Variants in VPS26C observed in about 807,000 individuals in gnomAD.
The protein encoded by VPS26C is vacuolar protein sorting-associated protein 26C.
VPS26C carries 19 observed loss-of-function variants against 30.6 expected under a neutral mutation model. The ratio of observed to expected loss-of-function variants is 0.62; its 90% CI spans 0.43 to 0.91. The LOEUF (loss-of-function observed/expected upper bound fraction) is 0.91. VPS26C is among the 40% of genes least tolerant of loss of function. VPS26C has a pLI of 0.00. For synonymous variants in VPS26C, 132 were observed against 151.5 expected (o/e 0.87, Z 0.95); for missense variants, 318 against 385.1 (o/e 0.83, Z 1.46).
At chr21:37,235,010 ATT>A (rs761855279) in intron 3 of VPS26C, among the ~76,000 whole-genome samples, 3 of 138,816 alleles carry the variant, frequency 2.2e-5, no homozygotes, top group African/African-American at 2.7e-5. Context: ...TGGCTGGCTA[ATT>A]TTTTTTTTTT....
At chr21:37,235,656 G>A (rs1284106457) in intron 3 of VPS26C, among the ~76,000 whole-genome samples, 5 of 151,880 alleles carry the variant, frequency 3.3e-5, no homozygotes, top group African/African-American at 7.3e-5. Context: ...AGAAGTAGAT[G>A]CACAAAGGGC....
intron 1 of VPS26C, among the ~76,000 whole-genome samples, chr21:37,256,097 A>G (rs140821490): frequency 1.4e-4 from 21 of 152,214 alleles, no homozygotes; most frequent in African/African-American, 3.9e-4. Flanking sequence ...CGGCCTCCCA[A>G]AGTGCTGGGA....
rs1003853608 is a variant in VPS26C, at chr21:37,225,252, A to G, written c.*292T>C. The G allele has an allele frequency of 2.3e-6, 1 of 426,038 alleles. No individual in the cohort carries two copies. The highest frequency in any genetic ancestry group is 2.0e-5 in the African/African-American group (1 of 50,914). The allele number at this position is 426,038 out of a possible 1,614,324, so 26.4% of individuals were successfully genotyped here. ...CACAATTGTTTTACTGTACCTAAAA[A>G]GGAACAGATAAGGCAAGAGCCACAG... On this transcript the variant is annotated 3_prime_UTR_variant, in exon 8 of 8. Transcript: ENST00000309117.
At chr21:37,266,316 C>G (rs2086361140) in intron 1 of VPS26C, among the ~76,000 whole-genome samples, 1 of 152,164 alleles carries the variant, frequency 6.6e-6, no homozygotes, top group Admixed American at 6.5e-5. Context: ...AAAGTTTTAG[C>G]ATCCATCCAA....
chr21:37,223,871 AAAGAAG>A lies in VPS26C; in HGVS notation c.*1667_*1672del, dbSNP rs1366195511. 1 of 152,244 alleles carries A rather than the reference AAAGAAG, an allele frequency of 6.6e-6. No homozygotes were observed. The highest frequency in any genetic ancestry group is 1.5e-5 in the Non-Finnish European group (1 of 68,054). The allele number at this position is 152,244 out of a possible 1,614,324, so 9.4% of individuals were successfully genotyped here. On this transcript the variant is annotated 3_prime_UTR_variant, in exon 8 of 8. Transcript: ENST00000309117. ...AAGCCCATCCAGAATGAAAAGTACA[AAAGAAG>A]GCTAGTGTGTGTGCAAAGCAGCATG...
chr21:37,229,216 G>T, intron 5 of VPS26C: 1 of 148,008 alleles, frequency 6.8e-6, no homozygotes, highest in South Asian at 2.3e-4. Flanking sequence ...CCACTCTTTT[G>T]GCTTCCCTGG....
upstream of VPS26C, chr21:37,267,461 T>TC: frequency 2.2e-6 from 1 of 460,682 alleles, no homozygotes. Context: ...GAGGGGCGAA[T>TC]GCCCACGCCT....
chr21:37,238,504 T>G lies in VPS26C; in HGVS notation c.307A>C (p.Lys103Gln), dbSNP rs2086048549. 2 of 1,614,072 alleles carry G rather than the reference T, an allele frequency of 1.2e-6. No individual in the cohort carries two copies. Among genetic ancestry groups the G allele is most frequent in the Admixed American group, 3.3e-5 (2 of 60,004 alleles). The change falls in exon 3 of 8, where the codon AAA (lysine) becomes CAA (glutamine). Residue 103 changes from lysine to glutamine, a missense_variant. Physicochemically the swap from Lys to Gln is moderately conservative, Grantham distance 53. Coordinates refer to ENST00000309117, the MANE Select transcript of VPS26C (RefSeq NM_006052.2). ...FEFPLHLKGN[K>Q]VLYETYHGVF... ...CCATGATACGTCTCATACAGAACTTTGTTACCCTTCAAGTGCAGAGGAAAT... is the reference window on the plus strand; with the variant it reads ...CCATGATACGTCTCATACAGAACTTGGTTACCCTTCAAGTGCAGAGGAAAT...
chr21:37,248,962 C>A (rs1201819572), intron 1 of VPS26C, among the ~76,000 whole-genome samples: 1 of 152,060 alleles, frequency 6.6e-6, no homozygotes, highest in Non-Finnish European at 1.5e-5. Context: ...ACTGGTAATA[C>A]AACTCATATT....
chr21:37,227,883 C>T, intron 6 of VPS26C, 77 bp from the exon 7 acceptor site: 1 of 1,563,366 alleles, frequency 6.4e-7, no homozygotes, highest in Non-Finnish European at 8.7e-7. Flanking sequence ...GCACCACCCA[C>T]CAGTCTGCTC....
intron 5 of VPS26C, 38 bp from the exon 6 acceptor site, chr21:37,228,411 C>A (rs377389743): frequency 1.1e-5 from 17 of 1,608,482 alleles, no homozygotes; most frequent in Non-Finnish European, 1.3e-5. Context: ...AGAATGCAGG[C>A]AAGGGGGGAA....
chr21:37,228,435 T>C, intron 5 of VPS26C, 62 bp from the exon 6 acceptor site: 5 of 1,573,922 alleles, frequency 3.2e-6, no homozygotes, highest in Non-Finnish European at 4.3e-6. Context: ...GCTCCATACT[T>C]TGGTGCAAAT....
chr21:37,229,352 T>C (rs1031171522), intron 5 of VPS26C: 6 of 152,236 alleles, frequency 3.9e-5, no homozygotes, highest in African/African-American at 1.4e-4. Context: ...TGAATTTGTG[T>C]TGGGTCACAT....
rs1198815458 is a variant in VPS26C, at chr21:37,253,042, CAG to C, written c.58-12405_58-12404del. 5.3e-5 allele frequency among the ~76,000 whole-genome samples: 8 copies of C among 152,114 alleles called. No individual in the cohort carries two copies. The East Asian group carries it at 1.2e-3, about 22-fold the overall frequency. ...TAATTATACCTGTTTTTAAAAAACACAGAAATTATCACGTATAGGAGGAAATA... is the reference window on the plus strand; with the variant it reads ...TAATTATACCTGTTTTTAAAAAACACAAATTATCACGTATAGGAGGAAATA... On this transcript the variant is annotated intron_variant, in intron 1 of 7. Coordinates refer to ENST00000309117, the MANE Select transcript of VPS26C (RefSeq NM_006052.2).
intron 1 of VPS26C, 60 bp downstream of exon 1, chr21:37,267,178 C>A: frequency 7.2e-7 from 1 of 1,392,224 alleles, no homozygotes; most frequent in Non-Finnish European, 1.0e-6. Context: ...GCGATGGAGA[C>A]AGCGGAACCT....
At chr21:37,259,411 TAAA>T (rs200502164) in intron 1 of VPS26C, among the ~76,000 whole-genome samples, 1,609 of 152,202 alleles carry the variant, frequency 0.011, 23 homozygotes, top group East Asian at 0.027. Flanking sequence ...TGCTGGGGAG[TAAA>T]TCTCTTATTT....
chr21:37,247,300 A>G (rs965215748), intron 1 of VPS26C, among the ~76,000 whole-genome samples: 1 of 152,190 alleles, frequency 6.6e-6, no homozygotes, highest in Non-Finnish European at 1.5e-5. Flanking sequence ...AGAAGTAAAC[A>G]ACGACGAATA....
chr21:37,237,101 A>G (rs1004413473), intron 3 of VPS26C, among the ~76,000 whole-genome samples: 9 of 152,162 alleles, frequency 5.9e-5, no homozygotes, highest in African/African-American at 1.9e-4. Flanking sequence ...TTTTCTATGT[A>G]TATCTGAACA....
At chr21:37,230,322 C>A (rs1254705079) in intron 5 of VPS26C, among the ~76,000 whole-genome samples, 1 of 152,232 alleles carries the variant, frequency 6.6e-6, no homozygotes, top group Admixed American at 6.5e-5. Flanking sequence ...TTTCCCTCTC[C>A]TCCCACTGAC....
Sources: allele counts gnomAD v4.1 joint callset (sites outside exome capture counted in the v4.1 genomes callset), GRCh38; gene constraint gnomAD v4.1.1; transcripts MANE v1.5; gene names NCBI Gene and HGNC (gene_info 2026-07-23, HGNC 2026-07-21).